The following DCDC1 variants were observed in gnomAD, a reference collection of about 807,000 sequenced individuals.
DCDC1 encodes the protein doublecortin domain containing 1, also known as doublecortin domain-containing protein 1.
DCDC1 carries 200 observed loss-of-function variants against 178.3 expected under a neutral mutation model. The ratio of observed to expected loss-of-function variants is 1.12; its 90% CI spans 1.00 to 1.26. DCDC1 has a LOEUF of 1.26. Ranked by LOEUF, DCDC1 falls within the 50% of genes most tolerant of loss-of-function variation. The pLI is 0.00. For missense variants in DCDC1, 1,983 were observed against 1,749.2 expected (o/e 1.13, Z -2.38); for synonymous variants, 690 against 604.8 (o/e 1.14, Z -2.07).
At chr11:31,104,810 A>G (rs1958745117) in intron 13 of DCDC1, among the ~76,000 whole-genome samples, 1 of 152,110 alleles carries the variant, frequency 6.6e-6, no homozygotes, top group South Asian at 2.1e-4. Flanking sequence ...ATAACAGGTA[A>G]AACAAATGTG....
chr11:31,250,432 A>G (rs1219661763), intron 8 of DCDC1, among the ~76,000 whole-genome samples: 3 of 133,128 alleles, frequency 2.3e-5, no homozygotes, highest in African/African-American at 5.7e-5. Flanking sequence ...ATATATATGT[A>G]TATATATATA....
At position 30,931,849 on chromosome 11, in the gene DCDC1, A is replaced by T; in HGVS notation, c.2819T>A (p.Val940Asp). ...TTTATTCTTCTCTCCATTCTGCAAA[A>T]CTCTGAGTCGCACAGGGGCATATGG... ...TEPYAPVRLRVLQNGEKNKNR... is the reference protein window; with the variant it reads ...TEPYAPVRLRDLQNGEKNKNR... Residue 940 changes from valine (V) to aspartate (D), a missense_variant, in exon 22 of 39, where the codon GTT becomes GAT. Val to Asp is a radical substitution (Grantham distance 152, BLOSUM62 -3). Coordinates refer to ENST00000684477, the MANE Select transcript of DCDC1 (RefSeq NM_001387274.1). 6.2e-7 allele frequency: 1 copy of T among 1,612,874 alleles called. No individual in the cohort carries two copies. The highest frequency in any genetic ancestry group is 8.5e-7 in the Non-Finnish European group (1 of 1,179,338).
rs1958097069 is a variant in DCDC1, at chr11:31,095,555, A to G, written c.1984-1371T>C. ...AACAGATTGTAGAATGAAGACATCA[A>G]AGACAGGGAAAATAGCTGGGAGTTC... On this transcript the variant is annotated intron_variant, in intron 15 of 38. Transcript: ENST00000684477. 2.6e-5 allele frequency among the ~76,000 whole-genome samples: 4 copies of G among 152,238 alleles called. No individual in the cohort carries two copies. In the South Asian group the frequency reaches 8.3e-4, roughly 32 times the overall value.
intron 9 of DCDC1, among the ~76,000 whole-genome samples, chr11:31,214,706 G>C (rs1973320154): frequency 6.6e-6 from 1 of 152,124 alleles, no homozygotes; most frequent in African/African-American, 2.4e-5. Flanking sequence ...TTGGTCTTTA[G>C]AAATTACAGG....
At chr11:31,263,397 T>C (rs1944924598) in intron 8 of DCDC1, among the ~76,000 whole-genome samples, 1 of 152,142 alleles carries the variant, frequency 6.6e-6, no homozygotes, top group Non-Finnish European at 1.5e-5. Flanking sequence ...GACACTCTTA[T>C]TAACCCCAAA....
chr11:30,899,622 A>G lies in DCDC1; in HGVS notation c.4684T>C (p.Leu1562=). 6.4e-7 allele frequency: 1 copy of G among 1,568,456 alleles called. No homozygotes were observed. The highest frequency in any genetic ancestry group is 2.3e-5 in the East Asian group (1 of 43,912). Residue 1562 remains leucine, a synonymous_variant, in exon 34 of 39, where the codon TTA becomes CTA. Coordinates refer to ENST00000684477, the MANE Select transcript of DCDC1 (RefSeq NM_001387274.1). ...TTTTTTAGCCAGTTCTGTTTCTCTA[A>G]TTTTTCTGCTTTCTGCAAAGCTAGA... The part of the protein sequence containing the change: ...PPNALQKAEK[L]EKQNWLKKDR...
intron 20 of DCDC1, among the ~76,000 whole-genome samples, chr11:31,010,269 G>T (rs754764092): frequency 2.0e-5 from 3 of 152,212 alleles, no homozygotes; most frequent in African/African-American, 7.2e-5. Context: ...CAATCAAGAC[G>T]TCAGCTGGGC....
rs1305808041 is a variant in DCDC1 at position 31,246,009 on chromosome 11, G to C, written c.1055-4393C>G. Among the ~76,000 whole-genome samples the C allele has an allele frequency of 1.3e-5, 2 of 151,830 alleles. 1 individual carries two copies. Among genetic ancestry groups the C allele is most frequent in the Non-Finnish European group, 2.9e-5 (2 of 67,894 alleles). On this transcript the variant is annotated intron_variant, in intron 8 of 38. Transcript: ENST00000684477. Reference sequence around the variant, plus strand: ...TAATCAAATTTGTCTATCAGATTTAGACTGGAATATTCTGTCATGATCTAT... The same window carrying C: ...TAATCAAATTTGTCTATCAGATTTACACTGGAATATTCTGTCATGATCTAT...
intron 3 of DCDC1, among the ~76,000 whole-genome samples, chr11:31,311,153 T>C (rs1422863111): frequency 6.6e-6 from 1 of 152,186 alleles, no homozygotes; most frequent in East Asian, 1.9e-4. Flanking sequence ...TTCAAATTCC[T>C]CAAAGAGTTT....
At chr11:31,037,280 C>G (rs773540354) in intron 20 of DCDC1, among the ~76,000 whole-genome samples, 4 of 152,072 alleles carry the variant, frequency 2.6e-5, no homozygotes, top group Non-Finnish European at 5.9e-5. Flanking sequence ...TTGGTTTTTC[C>G]CAGAGACTCC....
chr11:31,006,078 C>T (rs1951830949), intron 20 of DCDC1, among the ~76,000 whole-genome samples: 1 of 151,876 alleles, frequency 6.6e-6, no homozygotes, highest in South Asian at 2.1e-4. Flanking sequence ...ATCACTTTTC[C>T]ACCCATACTC....
At chr11:31,091,626 A>G in intron 16 of DCDC1, 115 bp from the exon 17 acceptor site, 1 of 617,688 alleles carries the variant, frequency 1.6e-6, no homozygotes, top group East Asian at 2.8e-5. Flanking sequence ...GGATATTAAC[A>G]GTTGCTGAAA....
intron 10 of DCDC1, among the ~76,000 whole-genome samples, chr11:31,137,359 T>TG (rs924695733): frequency 1.3e-4 from 19 of 150,910 alleles, no homozygotes; most frequent in African/African-American, 3.9e-4. Flanking sequence ...TTGCAGGTTT[T>TG]TTTTTTTTTT....
intron 7 of DCDC1, among the ~76,000 whole-genome samples, chr11:31,277,075 T>A (rs556149658): frequency 2.6e-5 from 4 of 152,272 alleles, no homozygotes; most frequent in South Asian, 4.1e-4. Flanking sequence ...ACTACCACAG[T>A]GAATATATAG....
intron 9 of DCDC1, among the ~76,000 whole-genome samples, chr11:31,205,246 T>C (rs1971733784): frequency 6.6e-6 from 1 of 152,220 alleles, no homozygotes; most frequent in Non-Finnish European, 1.5e-5. Flanking sequence ...GTATTGTCTA[T>C]AGGTCCTTGT....
intron 28 of DCDC1, among the ~76,000 whole-genome samples, chr11:30,910,471 C>T (rs1945364765): frequency 6.6e-6 from 1 of 152,112 alleles, no homozygotes; most frequent in African/African-American, 2.4e-5. Flanking sequence ...GTCCAGATTG[C>T]TATGTCTCAA....
rs1339655571 is a variant in DCDC1 at position 31,307,771 on chromosome 11, T to A, written c.302A>T (p.Gln101Leu). The change falls in exon 4 of 39, where the codon CAA becomes CTA. Residue 101 changes from glutamine (Q) to leucine (L), a missense_variant. By Grantham distance (113) the Gln-to-Leu change is moderately radical. Coordinates refer to ENST00000684477, the MANE Select transcript of DCDC1 (RefSeq NM_001387274.1). The part of the protein sequence containing the change: ...GSGLQDCSTH[Q>L]TASDHSHDEI... ...ATCATGGCTGTGATCTGATGCTGTT[T>A]GATGTGTGGAGCAATCTTGAAGTCC... 4 of 1,614,056 alleles carry A rather than the reference T, an allele frequency of 2.5e-6. No individual in the cohort carries two copies. Among genetic ancestry groups the A allele is most frequent in the Non-Finnish European group, 3.4e-6 (4 of 1,180,014 alleles).
At position 30,892,812 on chromosome 11, in the gene DCDC1, A is replaced by T; in HGVS notation, c.5082+6T>A. The T allele has an allele frequency of 6.2e-7, 1 of 1,613,838 alleles. No homozygotes were observed. The highest frequency in any genetic ancestry group is 8.5e-7 in the Non-Finnish European group (1 of 1,179,800). On this transcript the variant is annotated splice_donor_region_variant and intron_variant, in intron 36 of 38. Transcript: ENST00000684477. ...CTATGAAACACTCCTTTCACACTAG[A>T]TTTACCTCTGAAATAGTTTTGCCCC...
At chr11:31,151,770 C>T (rs1345424223) in intron 9 of DCDC1, among the ~76,000 whole-genome samples, 1 of 152,138 alleles carries the variant, frequency 6.6e-6, no homozygotes, top group Non-Finnish European at 1.5e-5. Flanking sequence ...CATAGCAATG[C>T]ATTCAAATGT....
Sources: allele counts gnomAD v4.1 joint callset (sites outside exome capture counted in the v4.1 genomes callset), GRCh38; gene constraint gnomAD v4.1.1; transcripts MANE v1.5; gene names NCBI Gene and HGNC (gene_info 2026-07-23, HGNC 2026-07-21).